Variants in SLC35D4 observed in about 807,000 individuals in gnomAD.
SLC35D4 encodes the protein UDP-N-acetylglucosamine transporter SLC35D4.
chr18:23,396,317 C>T, the SLC35D4 span, among the ~76,000 whole-genome samples: 1 of 152,194 alleles, frequency 6.6e-6, no homozygotes, highest in Non-Finnish European at 1.5e-5. Context: ...CGCTTTTCCC[C>T]CATTCCTTAT....
At chr18:23,380,612 T>A in the SLC35D4 span, among the ~76,000 whole-genome samples, 1 of 152,204 alleles carries the variant, frequency 6.6e-6, no homozygotes, top group Non-Finnish European at 1.5e-5. Context: ...GTCTCCTACG[T>A]CTCTGCAGCT....
At chr18:23,334,730 G>A in the SLC35D4 span, among the ~76,000 whole-genome samples, 1 of 152,178 alleles carries the variant, frequency 6.6e-6, no homozygotes, top group Admixed American at 6.5e-5. Context: ...GCCGGGCACG[G>A]TGGCTCATGA....
At chr18:23,399,747 A>G in the SLC35D4 span, 1 of 1,093,150 alleles carries the variant, frequency 9.1e-7, no homozygotes, top group African/African-American at 1.6e-5. Context: ...CTACAACAAC[A>G]GAGGCTGTCT....
chr18:23,363,363 C>CTT, the SLC35D4 span, among the ~76,000 whole-genome samples: 4 of 126,308 alleles, frequency 3.2e-5, no homozygotes, highest in African/African-American at 1.3e-4. Flanking sequence ...GACAAAAGCA[C>CTT]ATTTTTTTTT....
chr18:23,250,515 G>A, the SLC35D4 span, among the ~76,000 whole-genome samples: 54 of 152,312 alleles, frequency 3.5e-4, no homozygotes, highest in African/African-American at 1.3e-3. Context: ...TAACCCAGAG[G>A]AGACATTTGT....
chr18:23,365,503 A>G, the SLC35D4 span: 1 of 1,023,122 alleles, frequency 9.8e-7, no homozygotes, highest in South Asian at 1.7e-5. Context: ...AATAGGTGGG[A>G]CCTTCCTGCC....
the SLC35D4 span, chr18:23,421,418 A>C: frequency 8.1e-6 from 13 of 1,614,118 alleles, no homozygotes; most frequent in South Asian, 1.4e-4. Context: ...CACATGAAGC[A>C]AAAGTCCACC....
the SLC35D4 span, among the ~76,000 whole-genome samples, chr18:23,321,313 A>G: frequency 6.6e-6 from 1 of 152,180 alleles, no homozygotes; most frequent in East Asian, 1.9e-4. Flanking sequence ...CACAAGGTAC[A>G]ACAGTCTACT....
the SLC35D4 span, among the ~76,000 whole-genome samples, chr18:23,283,733 T>C: frequency 6.7e-6 from 1 of 148,638 alleles, no homozygotes; most frequent in Admixed American, 6.8e-5. Context: ...CACTTGAGCC[T>C]GGGAGGCGGA....
At chr18:23,423,017 C>G in the SLC35D4 span, among the ~76,000 whole-genome samples, 1 of 152,228 alleles carries the variant, frequency 6.6e-6, no homozygotes, top group Admixed American at 6.5e-5. Context: ...GTTGAGAACT[C>G]TGGCCTAAAG....
the SLC35D4 span, among the ~76,000 whole-genome samples, chr18:23,266,860 C>A: frequency 6.6e-6 from 1 of 152,226 alleles, no homozygotes; most frequent in African/African-American, 2.4e-5. Flanking sequence ...TTGTTGGATT[C>A]TCTCACTCTC....
chr18:23,325,372 G>A, the SLC35D4 span, among the ~76,000 whole-genome samples: 1 of 151,910 alleles, frequency 6.6e-6, no homozygotes, highest in East Asian at 1.9e-4. Context: ...AAACATGAAG[G>A]AGAGGGGAAA....
At chr18:23,328,214 C>T in the SLC35D4 span, among the ~76,000 whole-genome samples, 1 of 152,094 alleles carries the variant, frequency 6.6e-6, no homozygotes, top group Non-Finnish European at 1.5e-5. Context: ...GGCAATCAGG[C>T]AGGAGAAAGA....
chr18:23,295,270 A>G, the SLC35D4 span, among the ~76,000 whole-genome samples: 6 of 151,900 alleles, frequency 3.9e-5, no homozygotes, highest in African/African-American at 7.3e-5. Flanking sequence ...GCTGGGCTTA[A>G]TATCTAGGTG....
At chr18:23,353,337 C>T in the SLC35D4 span, among the ~76,000 whole-genome samples, 10 of 152,036 alleles carry the variant, frequency 6.6e-5, no homozygotes, top group African/African-American at 1.2e-4. Flanking sequence ...GGCACTGGTG[C>T]GCAGCTCCAA....
the SLC35D4 span, chr18:23,352,347 G>A: frequency 7.3e-7 from 1 of 1,376,114 alleles, no homozygotes; most frequent in Non-Finnish European, 1.0e-6. Flanking sequence ...GCCAATGGCT[G>A]ACTAGTGTCT....
At chr18:23,397,094 T>G in the SLC35D4 span, among the ~76,000 whole-genome samples, 456 of 152,130 alleles carry the variant, frequency 3.0e-3, 2 homozygotes, top group South Asian at 0.012. Flanking sequence ...TGTGTGTGTG[T>G]GGGGCGGCGG....
the SLC35D4 span, among the ~76,000 whole-genome samples, chr18:23,326,056 G>T: frequency 6.6e-6 from 1 of 152,206 alleles, no homozygotes; most frequent in Non-Finnish European, 1.5e-5. Context: ...TTTGCTGATT[G>T]TGCAGCCATC....
chr18:23,323,104 T>C, the SLC35D4 span, among the ~76,000 whole-genome samples: 4 of 152,368 alleles, frequency 2.6e-5, no homozygotes, highest in African/African-American at 9.6e-5. Flanking sequence ...ATTTTCTAAG[T>C]TGTTTTGATT....
Sources: allele counts gnomAD v4.1 joint callset (sites outside exome capture counted in the v4.1 genomes callset), GRCh38; gene constraint gnomAD v4.1.1; transcripts MANE v1.5; gene names NCBI Gene and HGNC (gene_info 2026-07-23, HGNC 2026-07-21).